TENM3: variants seen among roughly 807,000 people sequenced by gnomAD.
TENM3 encodes teneurin-3.
TENM3 carries 63 observed loss-of-function variants against 255.1 expected under a neutral mutation model. The ratio of observed to expected loss-of-function variants is 0.25; its 90% CI spans 0.20 to 0.30. The LOEUF is 0.30. Among genes scored for constraint, TENM3 ranks in the 10% least tolerant of loss-of-function variants. The pLI is 1.00. For missense variants in TENM3, 2,929 were observed against 3,461.1 expected (o/e 0.85, Z 3.86); for synonymous variants, 1,306 against 1,322.3 (o/e 0.99, Z 0.27).
At chr4:181,840,322 T>C in the TENM3 span, among the ~76,000 whole-genome samples, 1 of 152,088 alleles carries the variant, frequency 6.6e-6, no homozygotes, top group African/African-American at 2.4e-5. Flanking sequence ...TAAGCGAACA[T>C]TTTATGGGTC....
intron 1 of TENM3, among the ~76,000 whole-genome samples, chr4:182,151,721 T>C (rs1382507931): frequency 6.6e-6 from 1 of 152,074 alleles, no homozygotes; most frequent in Non-Finnish European, 1.5e-5. Flanking sequence ...GGCAGTGTTA[T>C]TACATTTTTC....
intron 6 of TENM3, 112 bp from the exon 7 acceptor site, chr4:182,672,893 G>T (rs1755333703): frequency 1.2e-5 from 9 of 755,594 alleles, no homozygotes; most frequent in Admixed American, 2.9e-5. Context: ...ATCAGAAGAT[G>T]AAATGGCTTG....
At chr4:181,647,695 G>A in the TENM3 span, among the ~76,000 whole-genome samples, 2 of 152,118 alleles carry the variant, frequency 1.3e-5, no homozygotes, top group Non-Finnish European at 2.9e-5. Flanking sequence ...ATATAGAAAC[G>A]GGGGCAAGGG....
At chr4:182,232,405 A>G (rs533522834) in intron 1 of TENM3, among the ~76,000 whole-genome samples, 3 of 152,192 alleles carry the variant, frequency 2.0e-5, no homozygotes, top group Non-Finnish European at 2.9e-5. Flanking sequence ...TGTACACCTA[A>G]CAAACTGGTG....
the TENM3 span, among the ~76,000 whole-genome samples, chr4:181,481,994 A>G: frequency 2.6e-5 from 4 of 152,144 alleles, no homozygotes; most frequent in African/African-American, 9.7e-5. Flanking sequence ...GAGCTACTTC[A>G]ATAGAAATGA....
the TENM3 span, among the ~76,000 whole-genome samples, chr4:181,775,422 C>A: frequency 4.5e-3 from 683 of 152,176 alleles, 2 homozygotes; most frequent in Middle Eastern, 0.01. Context: ...TATATATGCC[C>A]ATTGGAATTC....
At chr4:181,490,025 T>C in the TENM3 span, among the ~76,000 whole-genome samples, 1 of 152,186 alleles carries the variant, frequency 6.6e-6, no homozygotes, top group Admixed American at 6.5e-5. Flanking sequence ...GTTAAAGTTC[T>C]TCAGTTTTTT....
At chr4:181,621,605 G>A in the TENM3 span, among the ~76,000 whole-genome samples, 1 of 152,094 alleles carries the variant, frequency 6.6e-6, no homozygotes, top group Non-Finnish European at 1.5e-5. Flanking sequence ...TACAATTTCT[G>A]TCCAGGGTCT....
chr4:182,705,776 G>A (rs370729172), intron 12 of TENM3, among the ~76,000 whole-genome samples: 97 of 152,214 alleles, frequency 6.4e-4, no homozygotes, highest in African/African-American at 1.6e-3. Context: ...GATATTTCTC[G>A]TCCAACATTT....
At chr4:182,003,600 AT>A in the TENM3 span, among the ~76,000 whole-genome samples, 9 of 152,132 alleles carry the variant, frequency 5.9e-5, no homozygotes, top group Admixed American at 5.9e-4. Flanking sequence ...CAAAACGGAC[AT>A]GATATTGACT....
chr4:181,678,473 T>C, the TENM3 span, among the ~76,000 whole-genome samples: 1 of 152,056 alleles, frequency 6.6e-6, no homozygotes, highest in East Asian at 1.9e-4. Flanking sequence ...TATCTGTCCT[T>C]TCCTCTAATC....
the TENM3 span, among the ~76,000 whole-genome samples, chr4:181,476,012 T>C: frequency 2.0e-5 from 3 of 152,164 alleles, no homozygotes; most frequent in Non-Finnish European, 1.5e-5. Context: ...TGCTGACTGT[T>C]CCCTGGGGAG....
chr4:181,919,729 A>T, the TENM3 span, among the ~76,000 whole-genome samples: 1 of 151,786 alleles, frequency 6.6e-6, no homozygotes, highest in Admixed American at 6.6e-5. Flanking sequence ...ATTTTTTTTT[A>T]ATTTTTATTT....
At chr4:181,496,220 AAGACT>A in the TENM3 span, among the ~76,000 whole-genome samples, 1 of 152,224 alleles carries the variant, frequency 6.6e-6, no homozygotes, top group Non-Finnish European at 1.5e-5. Context: ...GGAGCAGAAA[AAGACT>A]AGTTTGGCAA....
At chr4:181,523,404 A>G in the TENM3 span, among the ~76,000 whole-genome samples, 1 of 146,272 alleles carries the variant, frequency 6.8e-6, no homozygotes, top group African/African-American at 2.5e-5. Context: ...GCTATGAAAT[A>G]AAACATTTTA....
chr4:182,573,695 CAG>C (rs1744635685), intron 3 of TENM3, among the ~76,000 whole-genome samples: 1 of 152,042 alleles, frequency 6.6e-6, no homozygotes, highest in African/African-American at 2.4e-5. Flanking sequence ...ACTAGAGAGA[CAG>C]AGAAAAGGGA....
the TENM3 span, among the ~76,000 whole-genome samples, chr4:181,909,612 G>A: frequency 1.3e-5 from 2 of 148,358 alleles, no homozygotes; most frequent in African/African-American, 4.9e-5. Flanking sequence ...ACATCATACT[G>A]TATTTGTTCA....
At chr4:182,668,057 T>C (rs184106726) in intron 6 of TENM3, among the ~76,000 whole-genome samples, 590 of 152,248 alleles carry the variant, frequency 3.9e-3, no homozygotes, top group Middle Eastern at 0.014. Context: ...CTCTCTTTCT[T>C]GATGTATTTG....
the TENM3 span, among the ~76,000 whole-genome samples, chr4:181,599,990 A>G: frequency 1.3e-5 from 2 of 152,166 alleles, no homozygotes; most frequent in African/African-American, 4.8e-5. Flanking sequence ...TCGTGACTGT[A>G]TCGCCCTCTT....
Sources: gnomAD v4.1 joint callset for allele counts (sites outside exome capture counted in the v4.1 genomes callset) on GRCh38, gnomAD v4.1.1 for gene constraint, MANE v1.5 for transcripts, NCBI Gene and HGNC (gene_info 2026-07-23, HGNC 2026-07-21) for gene names.